Variants in POU2F2 observed in about 807,000 individuals in gnomAD.
POU2F2 encodes POU domain, class 2, transcription factor 2.
Under a neutral mutation model 63.5 loss-of-function variants are expected in POU2F2, and 14 were observed. The observed-to-expected ratio is 0.22, with a 90% confidence interval of 0.15 to 0.34. The LOEUF (loss-of-function observed/expected upper bound fraction) is 0.34. POU2F2 is among the 10% of genes least tolerant of loss of function. POU2F2 has a pLI of 1.00. For synonymous variants in POU2F2, 306 were observed against 348.6 expected (o/e 0.88, Z 1.36); for missense variants, 607 against 815.2 (o/e 0.74, Z 3.11).
chr19:42,166,069 A>G (rs2034643534), intron 1 of POU2F2, among the ~76,000 whole-genome samples: 1 of 152,206 alleles, frequency 6.6e-6, no homozygotes, highest in African/African-American at 2.4e-5. Context: ...GGAATTAAGG[A>G]TGGCTGGGGA....
chr19:42,170,274 A>G (rs2034734935), intron 1 of POU2F2, among the ~76,000 whole-genome samples: 1 of 151,990 alleles, frequency 6.6e-6, no homozygotes, highest in Non-Finnish European at 1.5e-5. Flanking sequence ...AAACTCTGAA[A>G]CAGGCAATCA....
intron 2 of POU2F2, among the ~76,000 whole-genome samples, chr19:42,144,290 G>T (rs1298490024): frequency 6.6e-6 from 1 of 152,194 alleles, no homozygotes; most frequent in Non-Finnish European, 1.5e-5. Flanking sequence ...CAACCCAGGA[G>T]GTGCTTGGTA....
At chr19:42,099,127 G>A (rs571000477) in intron 7 of POU2F2, among the ~76,000 whole-genome samples, 3 of 152,338 alleles carry the variant, frequency 2.0e-5, no homozygotes, top group East Asian at 1.9e-4. Flanking sequence ...ATCACCTAAC[G>A]AATGCCTTGT....
upstream of POU2F2, among the ~76,000 whole-genome samples, chr19:42,135,239 G>A (rs2033980067): frequency 6.6e-6 from 1 of 152,090 alleles, no homozygotes; most frequent in South Asian, 2.1e-4. Flanking sequence ...AGGAGACAGG[G>A]AGACCAAGCC....
upstream of POU2F2, chr19:42,196,720 C>T (rs1287649317): frequency 2.6e-5 from 4 of 152,424 alleles, no homozygotes; most frequent in African/African-American, 9.6e-5. Flanking sequence ...GCCTCGCCCG[C>T]ACTCTTGACT....
intron 2 of POU2F2, among the ~76,000 whole-genome samples, chr19:42,141,093 A>T (rs1251244316): frequency 6.6e-6 from 1 of 152,210 alleles, no homozygotes. Context: ...CCACAGCTCC[A>T]GGTAGTATCC....
chr19:42,185,929 G>A (rs2035007458), intron 1 of POU2F2, among the ~76,000 whole-genome samples: 1 of 152,132 alleles, frequency 6.6e-6, no homozygotes, highest in Non-Finnish European at 1.5e-5. Flanking sequence ...TCACTCTGTT[G>A]CCCAGGTTGG....
At chr19:42,195,324 CT>C (rs1173270813) in intron 1 of POU2F2, among the ~76,000 whole-genome samples, 1 of 141,346 alleles carries the variant, frequency 7.1e-6, no homozygotes, top group African/African-American at 2.7e-5. Flanking sequence ...TTCCCTCCCT[CT>C]TTTTCTTTTT....
intron 2 of POU2F2, among the ~76,000 whole-genome samples, chr19:42,150,323 T>G (rs1310988874): frequency 6.8e-6 from 1 of 147,022 alleles, no homozygotes; most frequent in Non-Finnish European, 1.5e-5. Context: ...ATTGAAGATG[T>G]GCGGGCACTG....
intron 7 of POU2F2, among the ~76,000 whole-genome samples, chr19:42,098,476 G>T (rs2077008798): frequency 6.6e-6 from 1 of 151,812 alleles, no homozygotes; most frequent in South Asian, 2.1e-4. Flanking sequence ...AGATAATGTG[G>T]CCCGGCCCCC....
At chr19:42,103,302 C>T (rs1048479287) in intron 5 of POU2F2, among the ~76,000 whole-genome samples, 1 of 152,180 alleles carries the variant, frequency 6.6e-6, no homozygotes, top group Non-Finnish European at 1.5e-5. Context: ...CTCACTGGAA[C>T]GTCAGCTCCA....
At chr19:42,163,513 G>A (rs2034591871) in intron 1 of POU2F2, among the ~76,000 whole-genome samples, 1 of 152,118 alleles carries the variant, frequency 6.6e-6, no homozygotes, top group African/African-American at 2.4e-5. Flanking sequence ...GCCTGGCTCT[G>A]GGGCCTGGAA....
rs1340890623 is a variant in POU2F2 at position 42,169,648 on chromosome 19, T to C, written c.-70+6315A>G. On this transcript the variant is annotated intron_variant, in intron 1 of 6. Transcript: ENST00000524801. This position sits in a 1 kb window ranked among gnomAD's most constrained non-coding sequence, Gnocchi z 4.3. ...CTGTGTATGTCTCTTGCAGGATCAT[T>C]GCATGTGTCTGCATGCTTATGTATT... 1.3e-5 allele frequency among the ~76,000 whole-genome samples: 2 copies of C among 152,200 alleles called. No homozygotes were observed. The highest frequency in any genetic ancestry group is 4.8e-5 in the African/African-American group (2 of 41,432).
At chr19:42,122,647 A>C in intron 1 of POU2F2, 71 bp from the exon 2 acceptor site, 1 of 1,348,612 alleles carries the variant, frequency 7.4e-7, no homozygotes, top group Non-Finnish European at 1.0e-6. Flanking sequence ...CCCCCATTCC[A>C]CCACACTCCC....
At chr19:42,099,657 G>T in intron 6 of POU2F2, 39 bp from the exon 7 acceptor site, 2 of 1,604,574 alleles carry the variant, frequency 1.2e-6, no homozygotes, top group South Asian at 1.1e-5. Flanking sequence ...TGAGGGGGAG[G>T]GGAAGGTGAG....
chr19:42,098,096 G>A (rs1020301342), intron 7 of POU2F2, among the ~76,000 whole-genome samples: 1 of 152,052 alleles, frequency 6.6e-6, no homozygotes, highest in Non-Finnish European at 1.5e-5. Context: ...ATGCACCACC[G>A]TGCCTGTTTC....
intron 1 of POU2F2, among the ~76,000 whole-genome samples, chr19:42,188,682 A>G (rs1292249542): frequency 6.7e-6 from 1 of 149,014 alleles, no homozygotes; most frequent in Admixed American, 6.7e-5. Flanking sequence ...AAAAAAAAAA[A>G]AAAAGAAAGA....
At chr19:42,179,367 G>T (rs2034934306), upstream of POU2F2, among the ~76,000 whole-genome samples, 1 of 152,190 alleles carries the variant, frequency 6.6e-6, no homozygotes, top group Non-Finnish European at 1.5e-5. Flanking sequence ...GGCCAAGGGT[G>T]AAGGGGCTCC....
intron 1 of POU2F2, among the ~76,000 whole-genome samples, chr19:42,125,361 C>CAA (rs397956774): frequency 6.4e-4 from 6 of 9,338 alleles, no homozygotes; most frequent in Non-Finnish European, 9.4e-4. Flanking sequence ...GACTCTGTCT[C>CAA]AAAAAAAAAA....
Sources: allele counts gnomAD v4.1 joint callset (sites outside exome capture counted in the v4.1 genomes callset), GRCh38; gene constraint gnomAD v4.1.1; non-coding constraint Gnocchi (gnomAD v3.1); transcripts MANE v1.5; gene names NCBI Gene and HGNC (gene_info 2026-07-23, HGNC 2026-07-21).